Variants in SCAI observed in about 807,000 individuals in gnomAD.
SCAI encodes protein SCAI.
SCAI carries 24 observed loss-of-function variants against 92.2 expected under a neutral mutation model. The observed-to-expected ratio is 0.26, with a 90% CI of 0.19 to 0.37. The LOEUF is 0.37. SCAI is among the 10% of genes least tolerant of loss of function. The pLI is 1.00. For missense variants in SCAI, 450 were observed against 736.2 expected, an observed-to-expected ratio of 0.61 and a Z score of 4.50; for synonymous variants, 261 against 258.6, an observed-to-expected ratio of 1.01 and a Z score of -0.09.
At chr9:125,120,910 G>A (rs1247095968) in intron 2 of SCAI, among the ~76,000 whole-genome samples, 2 of 151,462 alleles carry the variant, frequency 1.3e-5, no homozygotes, top group Admixed American at 1.3e-4. Flanking sequence ...ATAGGAGAGA[G>A]GACATTTAGG....
chr9:125,032,754 C>T (rs1261467076), intron 3 of SCAI, among the ~76,000 whole-genome samples: 1 of 151,758 alleles, frequency 6.6e-6, no homozygotes, highest in Non-Finnish European at 1.5e-5. Flanking sequence ...GCTGGGATTA[C>T]AGGCGCCCGT....
intron 9 of SCAI, among the ~76,000 whole-genome samples, chr9:125,014,047 T>C (rs890449311): frequency 3.3e-5 from 5 of 151,860 alleles, no homozygotes; most frequent in Admixed American, 6.6e-5. Context: ...ATAAGAGCTA[T>C]CTATGACAAA....
intron 15 of SCAI, chr9:124,974,081 G>C: frequency 3.7e-6 from 1 of 268,968 alleles, no homozygotes; most frequent in South Asian, 2.9e-5. Flanking sequence ...CCGCCCATCA[G>C]GCTCTGTCTA....
chr9:125,079,894 A>C (rs1834175755), intron 2 of SCAI, among the ~76,000 whole-genome samples: 1 of 152,208 alleles, frequency 6.6e-6, no homozygotes, highest in African/African-American at 2.4e-5. Context: ...TGTGAAGGGA[A>C]TATGTGCACA....
chr9:124,988,602 A>T (rs547944448), intron 14 of SCAI, among the ~76,000 whole-genome samples: 1 of 152,298 alleles, frequency 6.6e-6, no homozygotes, highest in Non-Finnish European at 1.5e-5. Context: ...AAAAATCTCA[A>T]TAAAAGGCTT....
chr9:124,959,517 T>TAC (rs1239807641), intron 17 of SCAI, among the ~76,000 whole-genome samples: 3 of 139,170 alleles, frequency 2.2e-5, no homozygotes, highest in African/African-American at 8.9e-5. Flanking sequence ...TATATATATA[T>TAC]ACACACATAT....
At chr9:124,962,332 G>T (rs1253760272) in intron 17 of SCAI, among the ~76,000 whole-genome samples, 1 of 151,764 alleles carries the variant, frequency 6.6e-6, no homozygotes, top group Non-Finnish European at 1.5e-5. Flanking sequence ...GCTAATTTTT[G>T]TATTTTTAGT....
At chr9:125,027,710 A>C (rs1161204034) in intron 5 of SCAI, among the ~76,000 whole-genome samples, 1 of 152,042 alleles carries the variant, frequency 6.6e-6, no homozygotes, top group African/African-American at 2.4e-5. Flanking sequence ...TTTAGTAGAG[A>C]CGGGGTTTCA....
chr9:125,026,395 AGAGAG>A (rs1395628104), intron 6 of SCAI, among the ~76,000 whole-genome samples: 6 of 138,982 alleles, frequency 4.3e-5, no homozygotes, highest in African/African-American at 1.6e-4. Context: ...AAAAAAAAAA[AGAGAG>A]AGAAAATTCA....
chr9:125,138,193 T>C (rs1328417221), intron 2 of SCAI, among the ~76,000 whole-genome samples: 2 of 152,092 alleles, frequency 1.3e-5, no homozygotes, highest in African/African-American at 4.8e-5. Flanking sequence ...GTACCTTCTA[T>C]GTGCCAGGCA....
chr9:124,968,465 G>C, intron 17 of SCAI: 1 of 975,534 alleles, frequency 1.0e-6, no homozygotes, highest in Admixed American at 1.7e-5. Context: ...AAGATAACCA[G>C]ATTTGCTTGT....
At chr9:125,115,747 G>T (rs1159270266) in intron 2 of SCAI, among the ~76,000 whole-genome samples, 1 of 152,032 alleles carries the variant, frequency 6.6e-6, no homozygotes, top group Non-Finnish European at 1.5e-5. Flanking sequence ...AAATGCAAAT[G>T]AATAAAAATA....
intron 17 of SCAI, 78 bp from the exon 18 acceptor site, chr9:124,953,031 G>A: frequency 2.6e-6 from 3 of 1,149,670 alleles, no homozygotes; most frequent in Non-Finnish European, 3.9e-6. Context: ...CAGTGTCAAG[G>A]AGTAATATGT....
At chr9:125,110,658 GC>G (rs1359725775) in intron 2 of SCAI, among the ~76,000 whole-genome samples, 1 of 152,182 alleles carries the variant, frequency 6.6e-6, no homozygotes, top group Non-Finnish European at 1.5e-5. Context: ...AGACCTGCCT[GC>G]TTCTCCTTCA....
intron 17 of SCAI, among the ~76,000 whole-genome samples, chr9:124,969,939 C>T (rs1315199146): frequency 2.6e-5 from 4 of 152,080 alleles, no homozygotes; most frequent in Admixed American, 1.3e-4. Context: ...CTGCAACCTC[C>T]GCCTCCTGGG....
At chr9:125,139,817 T>C (rs2131277389) in intron 2 of SCAI, among the ~76,000 whole-genome samples, 1 of 152,322 alleles carries the variant, frequency 6.6e-6, no homozygotes, top group African/African-American at 2.4e-5. Flanking sequence ...CTGAAGAGTC[T>C]GGCAGTGGGG....
chr9:125,076,844 C>T (rs1287571060), intron 2 of SCAI, among the ~76,000 whole-genome samples: 3 of 152,082 alleles, frequency 2.0e-5, no homozygotes, highest in African/African-American at 4.8e-5. Flanking sequence ...GGACTACAGG[C>T]AAGTGCCATC....
At chr9:124,967,222 A>G (rs1831559589) in intron 17 of SCAI, among the ~76,000 whole-genome samples, 1 of 152,208 alleles carries the variant, frequency 6.6e-6, no homozygotes, top group African/African-American at 2.4e-5. Context: ...GGCAACACCA[A>G]TAACAATGTT....
At chr9:125,004,751 A>T (rs1433045859) in intron 9 of SCAI, among the ~76,000 whole-genome samples, 4 of 10,548 alleles carry the variant, frequency 3.8e-4, no homozygotes, top group African/African-American at 6.2e-4. Context: ...ATATATATAT[A>T]TATATATATA....
Sources: gnomAD v4.1 joint callset for allele counts (sites outside exome capture counted in the v4.1 genomes callset) on GRCh38, gnomAD v4.1.1 for gene constraint, MANE v1.5 for transcripts, NCBI Gene and HGNC (gene_info 2026-07-23, HGNC 2026-07-21) for gene names.